Variants in PDE7B observed in about 807,000 individuals in gnomAD.
PDE7B encodes 3',5'-cyclic-AMP phosphodiesterase 7B.
A neutral mutation model predicts 56.2 loss-of-function variants in PDE7B; 29 were observed. The observed-to-expected ratio is 0.52, with a 90% confidence interval of 0.38 to 0.70. The LOEUF is 0.70. Ranked by LOEUF, PDE7B falls within the 30% of genes least tolerant of loss-of-function variation. The pLI is 0.00. For synonymous variants in PDE7B, 197 were observed against 196.9 expected (o/e 1.00, Z 0.00); for missense variants, 490 against 565.0 (o/e 0.87, Z 1.35).
intron 2 of PDE7B, among the ~76,000 whole-genome samples, chr6:136,000,354 G>C: frequency 6.6e-6 from 1 of 152,126 alleles, no homozygotes; most frequent in Non-Finnish European, 1.5e-5. Context: ...TATTTCTTCG[G>C]TTGTCTTCCA....
chr6:135,939,393 A>T (rs1235786456), intron 1 of PDE7B, among the ~76,000 whole-genome samples: 1 of 152,034 alleles, frequency 6.6e-6, no homozygotes, highest in Non-Finnish European at 1.5e-5. Context: ...GTTGCTGGAG[A>T]TCTGCACTGA....
chr6:136,106,142 G>C (rs993392025), intron 2 of PDE7B, among the ~76,000 whole-genome samples: 1 of 152,126 alleles, frequency 6.6e-6, no homozygotes. Flanking sequence ...ACAGCAACAG[G>C]TCAACAAATC....
At chr6:136,080,842 G>A (rs766957182) in intron 2 of PDE7B, among the ~76,000 whole-genome samples, 1 of 152,168 alleles carries the variant, frequency 6.6e-6, no homozygotes, top group African/African-American at 2.4e-5. Flanking sequence ...GCAAGATATG[G>A]CGATGAATGC....
intron 1 of PDE7B, among the ~76,000 whole-genome samples, chr6:135,938,220 T>C (rs1774453488): frequency 6.6e-6 from 1 of 152,252 alleles, no homozygotes; most frequent in Admixed American, 6.5e-5. Flanking sequence ...AAAGTGTCTA[T>C]GGACTTCACC....
chr6:136,134,769 C>T (rs1778182723), intron 3 of PDE7B, among the ~76,000 whole-genome samples: 2 of 143,490 alleles, frequency 1.4e-5, no homozygotes, highest in Admixed American at 1.4e-4. Context: ...TGACTAAAAC[C>T]AGCAGATTTT....
intron 1 of PDE7B, among the ~76,000 whole-genome samples, chr6:135,897,289 G>A (rs1036478818): frequency 6.9e-6 from 1 of 145,592 alleles, no homozygotes; most frequent in African/African-American, 2.7e-5. Context: ...TGTGTGTGTG[G>A]GTATGTGTGT....
chr6:136,156,145 G>A, intron 8 of PDE7B: 1 of 353,382 alleles, frequency 2.8e-6, no homozygotes, highest in Non-Finnish European at 5.5e-6. Context: ...TAAGGAAAGA[G>A]AAGAGAGAAT....
chr6:136,016,812 C>T (rs1775986118), intron 2 of PDE7B, among the ~76,000 whole-genome samples: 1 of 152,190 alleles, frequency 6.6e-6, no homozygotes, highest in Non-Finnish European at 1.5e-5. Flanking sequence ...AAGGGAAATT[C>T]TCTTAGATAC....
intron 8 of PDE7B, among the ~76,000 whole-genome samples, chr6:136,161,121 T>A (rs533918247): frequency 6.6e-6 from 1 of 152,296 alleles, no homozygotes; most frequent in South Asian, 2.1e-4. Flanking sequence ...CAATAGAGTA[T>A]GTTGTCTGTA....
chr6:135,879,519 C>G (rs536904823), intron 1 of PDE7B, among the ~76,000 whole-genome samples: 1 of 152,048 alleles, frequency 6.6e-6, no homozygotes, highest in Admixed American at 6.5e-5. Context: ...CTCTGCAGGA[C>G]CTACAAAAAG....
At chr6:136,046,422 G>C (rs1776509175) in intron 2 of PDE7B, 1 of 152,170 alleles carries the variant, frequency 6.6e-6, no homozygotes, top group Non-Finnish European at 1.5e-5. Context: ...TAGCACCATG[G>C]TGGTCAGTCT....
At chr6:136,033,749 T>C (rs1459069751) in intron 2 of PDE7B, among the ~76,000 whole-genome samples, 4 of 152,238 alleles carry the variant, frequency 2.6e-5, no homozygotes, top group Non-Finnish European at 4.4e-5. Flanking sequence ...ATCACATTTC[T>C]ATGTCTCCTA....
intron 1 of PDE7B, among the ~76,000 whole-genome samples, chr6:135,905,111 G>A (rs1360441659): frequency 6.6e-6 from 1 of 152,146 alleles, no homozygotes; most frequent in Non-Finnish European, 1.5e-5. Flanking sequence ...TGCAAATTAT[G>A]TGGCCACTAC....
intron 2 of PDE7B, among the ~76,000 whole-genome samples, chr6:136,031,863 A>G (rs954424073): frequency 5.3e-5 from 8 of 152,162 alleles, no homozygotes; most frequent in Non-Finnish European, 1.0e-4. Flanking sequence ...TATTAGATTA[A>G]GAGGAAAGAA....
chr6:135,975,841 C>T (rs1775177555), intron 2 of PDE7B, among the ~76,000 whole-genome samples: 1 of 152,044 alleles, frequency 6.6e-6, no homozygotes, highest in Admixed American at 6.5e-5. Context: ...AGGACTGGGA[C>T]AGTTGGTAAA....
In PDE7B at chr6:135,926,484, C is replaced by T. The variant is rs570862710; in HGVS notation, c.22-20980C>T. 4.0e-5 allele frequency among the ~76,000 whole-genome samples: 6 copies of T among 148,824 alleles called. No individual in the cohort carries two copies. In the South Asian group the frequency reaches 8.7e-4, roughly 22 times the overall value. ...GGTGTGGTCTAATGGTACTGAACTG[C>T]GGGTGGGGGGGGCTTAGCAAAACCT... On this transcript the variant is annotated intron_variant, in intron 1 of 12. Coordinates refer to ENST00000308191, the MANE Select transcript of PDE7B (RefSeq NM_018945.4).
chr6:136,030,904 C>A (rs1776237012), intron 2 of PDE7B, among the ~76,000 whole-genome samples: 1 of 152,196 alleles, frequency 6.6e-6, no homozygotes, highest in Admixed American at 6.5e-5. Flanking sequence ...TTATGAAATT[C>A]TTTAAGATTC....
At chr6:136,145,663 T>A (rs1414340445) in intron 3 of PDE7B, among the ~76,000 whole-genome samples, 1 of 152,120 alleles carries the variant, frequency 6.6e-6, no homozygotes, top group African/African-American at 2.4e-5. Flanking sequence ...GATCGCATCT[T>A]CCTCCCAGCA....
At chr6:136,143,306 A>G (rs1778359355) in intron 3 of PDE7B, among the ~76,000 whole-genome samples, 1 of 151,970 alleles carries the variant, frequency 6.6e-6, no homozygotes, top group Non-Finnish European at 1.5e-5. Flanking sequence ...GGATCACTTA[A>G]GCCCAGGATC....
Sources: allele counts gnomAD v4.1 joint callset (sites outside exome capture counted in the v4.1 genomes callset), GRCh38; gene constraint gnomAD v4.1.1; transcripts MANE v1.5; gene names NCBI Gene and HGNC (gene_info 2026-07-23, HGNC 2026-07-21).